CD2: variants seen among roughly 807,000 people sequenced by gnomAD.
CD2 encodes T-cell surface antigen CD2.
A neutral mutation model predicts 23.2 loss-of-function variants in CD2; 18 were observed. The observed-to-expected ratio is 0.77, with a 90% CI of 0.54 to 1.15. The LOEUF is 1.15. Ranked by LOEUF, CD2 falls within the 50% of genes most tolerant of loss-of-function variation. The pLI, the probability that CD2 is intolerant of heterozygous loss-of-function variation, is 0.00. For missense variants in CD2, 424 were observed against 423.1 expected (o/e 1.00, Z -0.02); for synonymous variants, 162 against 151.9 (o/e 1.07, Z -0.49).
Position 116,768,487 on chromosome 1 carries a change from C to T in CD2, c.760C>T (p.His254Tyr). The change falls in exon 5 of 5, where the codon CAC becomes TAC. Residue 254 changes from histidine (H) to tyrosine (Y), a missense_variant. Transcript: ENST00000369478. ...RNDEELETRAHRVATEERGRK... is the reference protein window; with the variant it reads ...RNDEELETRAYRVATEERGRK... ...AGATGAGGAGCTGGAGACAAGAGCC[C>T]ACAGAGTAGCTACTGAAGAAAGGGG... 1 of 1,614,002 alleles carries T rather than the reference C, an allele frequency of 6.2e-7. No homozygotes were observed. Among genetic ancestry groups the T allele is most frequent in the Non-Finnish European group, 8.5e-7 (1 of 1,179,932 alleles).
intron 4 of CD2, among the ~76,000 whole-genome samples, chr1:116,766,134 C>T (rs1270296431): frequency 6.6e-6 from 1 of 152,248 alleles, no homozygotes; most frequent in Non-Finnish European, 1.5e-5. Context: ...CCTCGCTTGC[C>T]TCATTCCAGT....
In CD2 at chr1:116,754,613, C is replaced by G; in HGVS notation, c.62-18C>G. On this transcript the variant is annotated intron_variant, in intron 1 of 4. Coordinates refer to ENST00000369478, the MANE Select transcript of CD2 (RefSeq NM_001767.5). Reference sequence around the variant, plus strand: ...TTTCCCTGAAAGTGACTCTCAGTAACTCTTTTGCTTTTTATAGGTGCAGTC... The same window carrying G: ...TTTCCCTGAAAGTGACTCTCAGTAAGTCTTTTGCTTTTTATAGGTGCAGTC... The G allele has an allele frequency of 6.2e-7, 1 of 1,608,142 alleles. No homozygotes were observed. The highest frequency in any genetic ancestry group is 8.5e-7 in the Non-Finnish European group (1 of 1,178,092).
rs772856593 is a variant in CD2 at position 116,764,541 on chromosome 1, T to C, written c.671T>C (p.Met224Thr). The C allele has an allele frequency of 3.1e-6, 5 of 1,614,112 alleles. No homozygotes were observed. Among genetic ancestry groups the C allele is most frequent in the Middle Eastern group, 1.6e-4 (1 of 6,062 alleles). Residue 224 changes from methionine (M) to threonine (T), a missense_variant, in exon 4 of 5, where the codon ATG becomes ACG. Coordinates refer to ENST00000369478, the MANE Select transcript of CD2 (RefSeq NM_001767.5). ...IGICGGGSLL[M>T]VFVALLVFYI... ...ATATGTGGAGGAGGCAGCCTCTTGA[T>C]GGTCTTTGTGGCACTGCTCGTTTTC... is the stretch of plus-strand genomic sequence containing the variant.
chr1:116,760,355 A>T lies in CD2; in HGVS notation c.383-47A>T, dbSNP rs1431743670. The T allele has an allele frequency of 2.7e-6, 4 of 1,498,768 alleles. No individual in the cohort carries two copies. The South Asian group carries it at 4.6e-5, about 17-fold the overall frequency. The allele number at this position is 1,498,768 out of a possible 1,614,324, so 92.8% of individuals were successfully genotyped here. On this transcript the variant is annotated intron_variant, in intron 2 of 4. Coordinates refer to ENST00000369478, the MANE Select transcript of CD2 (RefSeq NM_001767.5). ...CTGTATAAATAGATATGTTTATTAA[A>T]ATCAGAAAATTGCCTAAATTGAACT... is the stretch of plus-strand genomic sequence containing the variant.
chr1:116,768,414 A>G (rs1402186944), intron 4 of CD2, 50 bp from the exon 5 acceptor site: 2 of 1,554,560 alleles, frequency 1.3e-6, no homozygotes, highest in South Asian at 1.2e-5. Flanking sequence ...CAATATTTAC[A>G]TTGATTTCAC....
At chr1:116,765,605 C>A (rs539449730) in intron 4 of CD2, among the ~76,000 whole-genome samples, 1 of 152,204 alleles carries the variant, frequency 6.6e-6, no homozygotes, top group African/African-American at 2.4e-5. Flanking sequence ...GAACTTAGTC[C>A]CATTCTTCCC....
Position 116,768,509 on chromosome 1 carries a change from G to T in CD2, c.782G>T (p.Arg261Met). Reference protein sequence around the residue: ...TRAHRVATEERGRKPHQIPAS... With the variant: ...TRAHRVATEEMGRKPHQIPAS... ...GCCCACAGAGTAGCTACTGAAGAAA[G>T]GGGCCGGAAGCCCCACCAAATTCCA... The change falls in exon 5 of 5, where the codon AGG becomes ATG. Residue 261 changes from arginine to methionine, a missense_variant. By Grantham distance (91) the Arg-to-Met change is moderately conservative. Transcript: ENST00000369478. The T allele has an allele frequency of 6.2e-7, 1 of 1,614,122 alleles. No homozygotes were observed.
At chr1:116,758,126 C>T (rs1028613238) in intron 2 of CD2, among the ~76,000 whole-genome samples, 1 of 151,798 alleles carries the variant, frequency 6.6e-6, no homozygotes, top group East Asian at 1.9e-4. Context: ...TAAAGATATA[C>T]ATGAAAATAT....
Position 116,754,839 on chromosome 1 carries a change from A to G in CD2, c.270A>G (p.Gly90=), listed in dbSNP as rs755866064. 1 of 1,612,750 alleles carries G rather than the reference A, an allele frequency of 6.2e-7. No homozygotes were observed. Among genetic ancestry groups the G allele is most frequent in the Non-Finnish European group, 8.5e-7 (1 of 1,178,804 alleles). ...ATACATATAAGCTATTTAAAAATGG[A>G]ACTCTGAAAATTAAGCATCTGAAGA... The part of the protein sequence containing the change: ...EKDTYKLFKN[G]TLKIKHLKTD... The change falls in exon 2 of 5, where the codon GGA becomes GGG. Residue 90 remains glycine (G), a synonymous_variant. Transcript: ENST00000369478.
At chr1:116,759,387 G>A (rs1463990601) in intron 2 of CD2, among the ~76,000 whole-genome samples, 1 of 151,234 alleles carries the variant, frequency 6.6e-6, no homozygotes, top group East Asian at 1.9e-4. Context: ...GAAACTGAGA[G>A]GGAAAAGTGG....
At chr1:116,767,418 G>A (rs567780213) in intron 4 of CD2, among the ~76,000 whole-genome samples, 12 of 151,952 alleles carry the variant, frequency 7.9e-5, no homozygotes, top group African/African-American at 2.9e-4. Flanking sequence ...ATGGAGAAAC[G>A]CCATCTCTAC....
chr1:116,764,715 T>C, intron 4 of CD2, 109 bp downstream of exon 4: 1 of 845,106 alleles, frequency 1.2e-6, no homozygotes, highest in Non-Finnish European at 2.0e-6. Context: ...AATAGGTAGT[T>C]TCGGAATGTC....
At position 116,754,652 on chromosome 1, in the gene CD2, C is replaced by T. The variant is rs369310866; in HGVS notation, c.83C>T (p.Thr28Met). 74 of 1,607,080 alleles carry T rather than the reference C, an allele frequency of 4.6e-5. No homozygotes were observed. Among genetic ancestry groups the T allele is most frequent in the Middle Eastern group, 3.3e-4 (2 of 6,028 alleles). ...ATAGGTGCAGTCTCCAAAGAGATTA[C>T]GAATGCCTTGGAAACCTGGGGTGCC... ...SSKGAVSKEI[T>M]NALETWGALG... The change falls in exon 2 of 5, where the codon ACG becomes ATG. Residue 28 changes from threonine (T) to methionine (M), a missense_variant. By Grantham distance (81) the Thr-to-Met change is moderately conservative (BLOSUM62 -1). Coordinates refer to ENST00000369478, the MANE Select transcript of CD2 (RefSeq NM_001767.5).
In CD2 at chr1:116,762,049, C is replaced by T. The variant is rs551641860; in HGVS notation, c.613+1417C>T. Among the ~76,000 whole-genome samples, 43 of 152,238 alleles carry T rather than the reference C, an allele frequency of 2.8e-4. No homozygotes were observed. The East Asian group carries it at 7.5e-3, about 27-fold the overall frequency. On this transcript the variant is annotated intron_variant, in intron 3 of 4. Coordinates refer to ENST00000369478, the MANE Select transcript of CD2 (RefSeq NM_001767.5). ...CTCACTCTGTTGCCCAGGCTGGTCT[C>T]GAACTCCTGTGCTCAAACTATCCTC... is the stretch of plus-strand genomic sequence containing the variant.
intron 2 of CD2, among the ~76,000 whole-genome samples, chr1:116,757,169 G>A (rs1651882389): frequency 1.3e-5 from 2 of 151,892 alleles, no homozygotes; most frequent in Non-Finnish European, 2.9e-5. Context: ...GCTAATTTTT[G>A]TATTTTTAGT....
chr1:116,761,920 T>C (rs1652067886), intron 3 of CD2, among the ~76,000 whole-genome samples: 1 of 152,076 alleles, frequency 6.6e-6, no homozygotes, highest in Non-Finnish European at 1.5e-5. Flanking sequence ...AGCCTCCACC[T>C]CCCAGGCTCA....
chr1:116,764,380 C>T, intron 3 of CD2, 104 bp from the exon 4 acceptor site: 1 of 1,508,686 alleles, frequency 6.6e-7, no homozygotes, highest in Non-Finnish European at 8.8e-7. Flanking sequence ...AAGGTCCCAA[C>T]AAGCTCTTCT....
At chr1:116,762,890 A>T (rs1028407349) in intron 3 of CD2, among the ~76,000 whole-genome samples, 1 of 152,250 alleles carries the variant, frequency 6.6e-6, no homozygotes, top group Non-Finnish European at 1.5e-5. Context: ...ACATTCCTGC[A>T]TGTGCCCAAG....
At position 116,768,964 on chromosome 1, in the gene CD2, G is replaced by A. The variant is rs1652311137; in HGVS notation, c.*181G>A. On this transcript the variant is annotated 3_prime_UTR_variant, in exon 5 of 5. Coordinates refer to ENST00000369478, the MANE Select transcript of CD2 (RefSeq NM_001767.5). ...CATGTGGTCAACATCTGGAGTTTTT[G>A]GTCTCCTCAGAGAGCTCCATCACAC... 4.8e-6 allele frequency: 3 copies of A among 626,446 alleles called. No individual in the cohort carries two copies. The highest frequency in any genetic ancestry group is 8.3e-6 in the Non-Finnish European group (3 of 361,378). 38.8% of individuals were successfully genotyped at this position (626,446 alleles called of 1,614,324 possible).
Sources: allele counts gnomAD v4.1 joint callset (sites outside exome capture counted in the v4.1 genomes callset), GRCh38; gene constraint gnomAD v4.1.1; transcripts MANE v1.5; gene names NCBI Gene and HGNC (gene_info 2026-07-23, HGNC 2026-07-21).